Variants in SOX5 observed in about 807,000 individuals in gnomAD.
The protein encoded by SOX5 is transcription factor SOX-5.
A neutral mutation model predicts 92.0 loss-of-function variants in SOX5; 9 were observed. The observed-to-expected ratio is 0.10, with a 90% CI of 0.06 to 0.17. The LOEUF (loss-of-function observed/expected upper bound fraction) is 0.17, where lower values mean the gene tolerates loss of function less well. Among genes scored for constraint, SOX5 ranks in the 10% least tolerant of loss-of-function variants. The pLI is 1.00. For missense variants in SOX5, 642 were observed against 944.5 expected (o/e 0.68, Z 4.20); for synonymous variants, 344 against 336.3 (o/e 1.02, Z -0.25).
At chr12:24,347,683 CTAAA>C (rs1452505270) in intron 2 of SOX5, among the ~76,000 whole-genome samples, 1 of 152,160 alleles carries the variant, frequency 6.6e-6, no homozygotes, top group Admixed American at 6.5e-5. Context: ...GAAAATGTAT[CTAAA>C]TGATGACAGC....
chr12:23,962,903 C>T (rs900833423), intron 4 of SOX5, among the ~76,000 whole-genome samples: 4 of 152,026 alleles, frequency 2.6e-5, no homozygotes, highest in African/African-American at 9.7e-5. Flanking sequence ...GCAACCCGAA[C>T]ATTTTGATTC....
intron 10 of SOX5, among the ~76,000 whole-genome samples, chr12:23,568,583 A>G (rs1341145649): frequency 6.6e-6 from 1 of 152,144 alleles, no homozygotes; most frequent in Non-Finnish European, 1.5e-5. Flanking sequence ...CATGTCTGGC[A>G]CAGAATTCAT....
At chr12:24,505,862 T>TGTGTGTGCGCGC in intron 1 of SOX5, among the ~76,000 whole-genome samples, 1 of 140,114 alleles carries the variant, frequency 7.1e-6, no homozygotes, top group South Asian at 2.4e-4. Context: ...TGCGTGTGTG[T>TGTGTGTGCGCGC]GTGTGTGTGT....
At chr12:23,804,057 A>C (rs1292221766) in intron 3 of SOX5, among the ~76,000 whole-genome samples, 1 of 152,344 alleles carries the variant, frequency 6.6e-6, no homozygotes, top group African/African-American at 2.4e-5. Context: ...AGTATTCAAC[A>C]ATTCCTCATC....
At chr12:24,305,895 C>A (rs1948510248) in intron 2 of SOX5, among the ~76,000 whole-genome samples, 1 of 151,960 alleles carries the variant, frequency 6.6e-6, no homozygotes, top group Admixed American at 6.6e-5. Flanking sequence ...CCGCGCCCAG[C>A]CGATGAAAGA....
At chr12:24,160,952 A>G (rs1449265500) in intron 4 of SOX5, among the ~76,000 whole-genome samples, 1 of 152,082 alleles carries the variant, frequency 6.6e-6, no homozygotes, top group Non-Finnish European at 1.5e-5. Context: ...GAGTACTATT[A>G]TATATGTTAT....
At chr12:23,915,021 A>G (rs1045673745) in intron 1 of SOX5, among the ~76,000 whole-genome samples, 2 of 152,156 alleles carry the variant, frequency 1.3e-5, no homozygotes, top group African/African-American at 4.8e-5. Context: ...GTCTAAGAGC[A>G]TAAGCTTTGA....
intron 6 of SOX5, among the ~76,000 whole-genome samples, chr12:23,682,841 G>C (rs2086847055): frequency 6.6e-6 from 1 of 151,690 alleles, no homozygotes; most frequent in South Asian, 2.1e-4. Context: ...TAAGATGAAA[G>C]CTGACTCCAT....
intron 8 of SOX5, among the ~76,000 whole-genome samples, chr12:23,623,703 T>C (rs1036478809): frequency 2.0e-5 from 3 of 152,210 alleles, no homozygotes; most frequent in Middle Eastern, 3.4e-3. Flanking sequence ...TACAAAAATA[T>C]ACTCAACCAC....
At chr12:23,633,718 G>A (rs2078854286) in intron 8 of SOX5, among the ~76,000 whole-genome samples, 1 of 152,022 alleles carries the variant, frequency 6.6e-6, no homozygotes, top group African/African-American at 2.4e-5. Context: ...CCATTATTTA[G>A]AAATAATTTA....
intron 2 of SOX5, among the ~76,000 whole-genome samples, chr12:24,328,989 C>G (rs1333221483): frequency 6.6e-6 from 1 of 152,116 alleles, no homozygotes; most frequent in African/African-American, 2.4e-5. Flanking sequence ...TTTTATTTCC[C>G]AAGAATTAAG....
At chr12:24,236,596 T>A (rs996132279) in intron 3 of SOX5, among the ~76,000 whole-genome samples, 5 of 152,206 alleles carry the variant, frequency 3.3e-5, no homozygotes, top group Non-Finnish European at 5.9e-5. Flanking sequence ...GGTTACAGTT[T>A]CCTTATCTTC....
intron 1 of SOX5, among the ~76,000 whole-genome samples, chr12:23,910,723 C>T (rs141829897): frequency 1.3e-5 from 2 of 152,224 alleles, no homozygotes; most frequent in African/African-American, 4.8e-5. Context: ...ACTTCTGCAG[C>T]TGCAGTGTAA....
intron 12 of SOX5, among the ~76,000 whole-genome samples, chr12:23,545,499 A>G (rs1942954137): frequency 6.6e-6 from 1 of 152,178 alleles, no homozygotes; most frequent in Non-Finnish European, 1.5e-5. Context: ...AGAAAACAGA[A>G]GTCTGAAGGC....
At chr12:23,921,294 C>T (rs1938183830) in intron 1 of SOX5, among the ~76,000 whole-genome samples, 1 of 151,720 alleles carries the variant, frequency 6.6e-6, no homozygotes, top group African/African-American at 2.4e-5. Flanking sequence ...AGCAGCTGTT[C>T]AGCACTAGCA....
chr12:24,336,885 A>G (rs1273397113), intron 2 of SOX5, among the ~76,000 whole-genome samples: 3 of 152,218 alleles, frequency 2.0e-5, no homozygotes, highest in Non-Finnish European at 2.9e-5. Context: ...CAGTTATTTC[A>G]TAGTCAAATG....
At chr12:24,105,862 T>C (rs1946612072) in intron 4 of SOX5, among the ~76,000 whole-genome samples, 1 of 152,146 alleles carries the variant, frequency 6.6e-6, no homozygotes, top group Non-Finnish European at 1.5e-5. Flanking sequence ...GAAGCTTTGG[T>C]ATCATCATAA....
intron 1 of SOX5, among the ~76,000 whole-genome samples, chr12:24,448,272 AC>A (rs141385749): frequency 0.023 from 3,516 of 152,282 alleles, 64 homozygotes; most frequent in Admixed American, 0.046. Flanking sequence ...AGGCACAATA[AC>A]CATCTCACAG....
At chr12:24,441,005 A>G (rs1940472380) in intron 1 of SOX5, among the ~76,000 whole-genome samples, 1 of 152,202 alleles carries the variant, frequency 6.6e-6, no homozygotes, top group Non-Finnish European at 1.5e-5. Flanking sequence ...CTCTTACCAA[A>G]TAATCACCTG....
Sources: gnomAD v4.1 joint callset for allele counts (sites outside exome capture counted in the v4.1 genomes callset) on GRCh38, gnomAD v4.1.1 for gene constraint, MANE v1.5 for transcripts, NCBI Gene and HGNC (gene_info 2026-07-23, HGNC 2026-07-21) for gene names.